Variants in CECR2 observed in about 807,000 individuals in gnomAD.
CECR2 encodes CECR2 histone acetyl-lysine reader, also known as chromatin remodeling regulator CECR2.
Under a neutral mutation model 154.5 loss-of-function variants are expected in CECR2, and 30 were observed. That is an observed-to-expected ratio of 0.19 (90% CI 0.15 to 0.26). The LOEUF (loss-of-function observed/expected upper bound fraction) is 0.26, where lower values mean the gene tolerates loss of function less well. CECR2 is among the 10% of genes least tolerant of loss of function. The pLI is 1.00. For missense variants in CECR2, 1,743 were observed against 1,829.3 expected, an observed-to-expected ratio of 0.95 and a Z score of 0.86; for synonymous variants, 725 against 683.7, an observed-to-expected ratio of 1.06 and a Z score of -0.94.
At chr22:17,438,206 C>G (rs1194134951) in intron 1 of CECR2, among the ~76,000 whole-genome samples, 1 of 152,180 alleles carries the variant, frequency 6.6e-6, no homozygotes, top group Non-Finnish European at 1.5e-5. Flanking sequence ...ACATGCGTTA[C>G]AAACAGAACA....
chr22:17,436,789 T>C (rs2054513307), intron 1 of CECR2, among the ~76,000 whole-genome samples: 1 of 152,220 alleles, frequency 6.6e-6, no homozygotes, highest in Non-Finnish European at 1.5e-5. Flanking sequence ...AGATGTGAAC[T>C]CCTATTTTTG....
chr22:17,440,070 GA>G (rs35711237), intron 1 of CECR2, among the ~76,000 whole-genome samples: 38 of 147,102 alleles, frequency 2.6e-4, no homozygotes, highest in East Asian at 2.0e-3. Context: ...TGATTACATT[GA>G]AAAAAAAAAC....
At position 17,548,983 on chromosome 22, in the gene CECR2, A is replaced by G; in HGVS notation, c.3696A>G (p.Pro1232=). Reference sequence around the variant, plus strand: ...GACCCCCAGCCAGTCAGCCTCCCCCACCAAGGTCCCTCTTCTCAGATAAGA... The same window carrying G: ...GACCCCCAGCCAGTCAGCCTCCCCCGCCAAGGTCCCTCTTCTCAGATAAGA... ...PSGPPASQPP[P]PRSLFSDKNA... Residue 1232 remains proline (P), a synonymous_variant, in exon 17 of 19, where the codon CCA becomes CCG. Coordinates refer to ENST00000262608, the MANE Select transcript of CECR2 (RefSeq NM_001290047.2). 1.2e-6 allele frequency: 2 copies of G among 1,613,640 alleles called. No homozygotes were observed. The highest frequency in any genetic ancestry group is 1.7e-6 in the Non-Finnish European group (2 of 1,179,818).
chr22:17,415,427 A>C (rs1266799698), intron 1 of CECR2, among the ~76,000 whole-genome samples: 1 of 152,120 alleles, frequency 6.6e-6, no homozygotes, highest in African/African-American at 2.4e-5. Flanking sequence ...TTTTTTGTAG[A>C]GATGAAGTTT....
intron 1 of CECR2, among the ~76,000 whole-genome samples, chr22:17,465,059 C>CAT (rs2055006245): frequency 6.7e-6 from 1 of 149,386 alleles, no homozygotes; most frequent in Non-Finnish European, 1.5e-5. Flanking sequence ...TGCAGTGGCG[C>CAT]GATCTCAGCT....
At chr22:17,405,666 A>AATT (rs1601299657) in intron 1 of CECR2, among the ~76,000 whole-genome samples, 2 of 128,482 alleles carry the variant, frequency 1.6e-5, no homozygotes, top group East Asian at 2.2e-4. Flanking sequence ...AAAAAAAAAA[A>AATT]TTTTCAATTG....
chr22:17,401,363 C>CAT (rs566162910), intron 1 of CECR2, among the ~76,000 whole-genome samples: 179 of 152,240 alleles, frequency 1.2e-3, no homozygotes, highest in African/African-American at 4.1e-3. Flanking sequence ...CAAGTTTTGA[C>CAT]ATATATATAC....
intron 8 of CECR2, among the ~76,000 whole-genome samples, chr22:17,522,195 T>C (rs2146959041): frequency 6.6e-6 from 1 of 152,324 alleles, no homozygotes; most frequent in African/African-American, 2.4e-5. Context: ...CCCCTGCCCA[T>C]GTGAGTCAAC....
intron 7 of CECR2, among the ~76,000 whole-genome samples, chr22:17,510,762 T>C (rs1227130687): frequency 2.6e-5 from 4 of 152,076 alleles, no homozygotes; most frequent in Admixed American, 6.6e-5. Context: ...CCACCATGCC[T>C]GGCTAATTTT....
intron 1 of CECR2, among the ~76,000 whole-genome samples, chr22:17,391,526 C>G (rs1183418176): frequency 6.6e-6 from 1 of 152,160 alleles, no homozygotes; most frequent in Non-Finnish European, 1.5e-5. Flanking sequence ...TTGGTTGTCT[C>G]GTGTTCCATA....
chr22:17,539,943 C>G (rs2056495845), intron 13 of CECR2, among the ~76,000 whole-genome samples: 1 of 152,170 alleles, frequency 6.6e-6, no homozygotes, highest in East Asian at 1.9e-4. Context: ...AAGGGATCCT[C>G]CTCCCTCAGT....
At chr22:17,400,928 TTTG>T (rs149065666) in intron 1 of CECR2, among the ~76,000 whole-genome samples, 7,401 of 151,986 alleles carry the variant, frequency 0.049, 277 homozygotes, top group African/African-American at 0.11. Context: ...TTTTTTGACT[TTTG>T]TTGTTGTTGT....
chr22:17,552,092 T>C lies in CECR2; in HGVS notation c.4339T>C (p.Ser1447Pro). 1 of 1,613,968 alleles carries C rather than the reference T, an allele frequency of 6.2e-7. No individual in the cohort carries two copies. Among genetic ancestry groups the C allele is most frequent in the Non-Finnish European group, 8.5e-7 (1 of 1,179,894 alleles). ...CCCAAAGACCCCCACAGCAGCAACA[T>C]CACAGGAGGAGGTGCCGCCTCATAA... ...SFPKTPTAAT[S>P]QEEVPPHKPP... Residue 1447 changes from serine to proline, a missense_variant, in exon 18 of 19, where the codon TCA (serine) becomes CCA (proline). By Grantham distance (74) the Ser-to-Pro change is moderately conservative. This residue lies in a region of CECR2 where 1,250 missense variants were observed against 1,192.1 expected (regional missense o/e 1.05). Transcript: ENST00000262608.
At chr22:17,507,265 A>G (rs1037198197) in intron 7 of CECR2, among the ~76,000 whole-genome samples, 3 of 152,210 alleles carry the variant, frequency 2.0e-5, no homozygotes, top group African/African-American at 7.2e-5. Flanking sequence ...CAGTGCTTCA[A>G]GACTTCCGCC....
chr22:17,447,065 C>G (rs930286142), intron 1 of CECR2, among the ~76,000 whole-genome samples: 2 of 96,804 alleles, frequency 2.1e-5, no homozygotes, highest in Admixed American at 2.2e-4. Context: ...GACAGAGTCT[C>G]GCTGTCTTGC....
intron 1 of CECR2, among the ~76,000 whole-genome samples, chr22:17,453,857 G>A (rs916979727): frequency 9.2e-5 from 14 of 152,184 alleles, no homozygotes; most frequent in African/African-American, 3.1e-4. Context: ...TATAAAAATG[G>A]CCTTGCTGAG....
chr22:17,432,382 A>T (rs889099696), intron 1 of CECR2, among the ~76,000 whole-genome samples: 4 of 152,120 alleles, frequency 2.6e-5, no homozygotes, highest in Non-Finnish European at 4.4e-5. Flanking sequence ...CAGTTGTTGG[A>T]CATTTGGGTT....
intron 1 of CECR2, among the ~76,000 whole-genome samples, chr22:17,400,786 CTG>C (rs954020755): frequency 6.6e-6 from 1 of 152,168 alleles, no homozygotes; most frequent in Non-Finnish European, 1.5e-5. Flanking sequence ...GGGTCTCCCT[CTG>C]TTGCAGGCTG....
intron 8 of CECR2, among the ~76,000 whole-genome samples, chr22:17,517,943 C>G (rs2056087761): frequency 6.6e-6 from 1 of 152,200 alleles, no homozygotes; most frequent in African/African-American, 2.4e-5. Flanking sequence ...TTCACTCAGT[C>G]ACTGTTGCAG....
Sources: allele counts gnomAD v4.1 joint callset (sites outside exome capture counted in the v4.1 genomes callset), GRCh38; gene constraint gnomAD v4.1.1; regional missense constraint gnomAD v4.1.1; transcripts MANE v1.5; gene names NCBI Gene and HGNC (gene_info 2026-07-23, HGNC 2026-07-21).